The following QSOX2 variants were observed in gnomAD, a reference collection of about 807,000 sequenced individuals.
QSOX2 encodes the protein sulfhydryl oxidase 2.
In QSOX2, 46 loss-of-function variants were observed where a neutral mutation model predicts 61.7. That is an observed-to-expected ratio of 0.75 (90% confidence interval 0.59 to 0.95). QSOX2 has a LOEUF of 0.95. Among genes scored for constraint, QSOX2 ranks in the 40% least tolerant of loss-of-function variants. The pLI is 0.00. For missense variants in QSOX2, 879 were observed against 918.9 expected, an observed-to-expected ratio of 0.96 and a Z score of 0.56; for synonymous variants, 383 against 388.4, an observed-to-expected ratio of 0.99 and a Z score of 0.16.
At chr9:136,220,288 G>C (rs1324911123) in intron 6 of QSOX2, among the ~76,000 whole-genome samples, 3 of 152,234 alleles carry the variant, frequency 2.0e-5, no homozygotes, top group African/African-American at 7.2e-5. Context: ...CTCAGCCTCT[G>C]AAAGTGCTGG....
Position 136,208,585 on chromosome 9 carries a change from T to C in QSOX2, c.*143A>G. The C allele has an allele frequency of 1.0e-6, 1 of 979,918 alleles. No individual in the cohort carries two copies. The highest frequency in any genetic ancestry group is 1.4e-6 in the Non-Finnish European group (1 of 694,930). 60.7% of individuals were successfully genotyped at this position (979,918 alleles called of 1,614,324 possible). On this transcript the variant is annotated 3_prime_UTR_variant, in exon 12 of 12. Transcript: ENST00000358701. ...AGAAGAGCGTTTGTAAAACCAGGAC[T>C]TTGAAGCCAAAAGGTGCCATCCGAT...
At chr9:136,212,578 G>C (rs892361255) in intron 10 of QSOX2, among the ~76,000 whole-genome samples, 15 of 152,216 alleles carry the variant, frequency 9.9e-5, no homozygotes, top group Non-Finnish European at 2.9e-5. Context: ...GCGTGTCCAC[G>C]GGCAGCTGGG....
At chr9:136,210,865 G>C (rs1831835437) in intron 11 of QSOX2, 1 of 985,156 alleles carries the variant, frequency 1.0e-6, no homozygotes, top group Non-Finnish European at 1.2e-6. Context: ...CACTTTGAGA[G>C]GTTTGGTTTA....
Position 136,245,749 on chromosome 9 carries a change from C to T in QSOX2, c.55G>A (p.Ala19Thr), listed in dbSNP as rs1554758468. The T allele has an allele frequency of 2.6e-6, 3 of 1,151,846 alleles. No homozygotes were observed. Among genetic ancestry groups the T allele is most frequent in the East Asian group, 3.9e-5 (1 of 25,376 alleles). 71.4% of individuals were successfully genotyped at this position (1,151,846 alleles called of 1,614,324 possible). The part of the protein sequence containing the change: ...ARSPGIGAGP[A>T]LRARRSPPPR... ...GGGGGCGAGCGCCGGGCTCTCAGCG[C>T]AGGTCCCGCTCCGATTCCCGGGCTG... The change falls in exon 1 of 12, where the codon GCG becomes ACG. Residue 19 changes from alanine (A) to threonine (T), a missense_variant. Ala to Thr is a moderately conservative substitution (Grantham distance 58, BLOSUM62 0). Transcript: ENST00000358701.
intron 11 of QSOX2, chr9:136,210,821 C>G (rs1008259833): frequency 2.0e-5 from 20 of 984,668 alleles, no homozygotes; most frequent in Admixed American, 6.1e-5. Flanking sequence ...AATACATGTG[C>G]CCTATTTAAT....
intron 1 of QSOX2, among the ~76,000 whole-genome samples, chr9:136,237,860 T>A (rs1450528156): frequency 6.6e-6 from 1 of 152,250 alleles, no homozygotes; most frequent in African/African-American, 2.4e-5. Context: ...AGAGTGAACA[T>A]GCGTCAACAA....
intron 1 of QSOX2, among the ~76,000 whole-genome samples, chr9:136,245,001 G>A (rs941342844): frequency 2.6e-5 from 4 of 152,178 alleles, no homozygotes; most frequent in African/African-American, 9.7e-5. Flanking sequence ...GGGTGGCTAC[G>A]AGTGTGGAAT....
At chr9:136,241,514 T>G (rs1349701666) in intron 1 of QSOX2, among the ~76,000 whole-genome samples, 1 of 152,066 alleles carries the variant, frequency 6.6e-6, no homozygotes, top group Non-Finnish European at 1.5e-5. Context: ...TACCCTTCCT[T>G]CAAGAGATGT....
intron 1 of QSOX2, among the ~76,000 whole-genome samples, chr9:136,239,867 A>G (rs905110254): frequency 1.3e-5 from 2 of 152,236 alleles, no homozygotes; most frequent in African/African-American, 4.8e-5. Flanking sequence ...ACCGGCAAGG[A>G]CTCGGCAGAT....
Position 136,245,656 on chromosome 9 carries a change from C to G in QSOX2, c.148G>C (p.Gly50Arg). 8.1e-7 allele frequency: 1 copy of G among 1,236,646 alleles called. No homozygotes were observed. Among genetic ancestry groups the G allele is most frequent in the South Asian group, 3.3e-5 (1 of 29,890 alleles). 76.6% of individuals were successfully genotyped at this position (1,236,646 alleles called of 1,614,324 possible). ...GCGCGGTACAGCCGCGCCGCACCGC[C>G]CGCGCCCGGCCCCACCGCCGCCGCC... The part of the protein sequence containing the change: ...LAAAAVGPGA[G>R]GAARLYRAGE... Residue 50 changes from glycine to arginine, a missense_variant, in exon 1 of 12, where the codon GGC becomes CGC. Transcript: ENST00000358701.
chr9:136,220,612 C>T (rs1425254883), intron 6 of QSOX2, among the ~76,000 whole-genome samples: 1 of 49,326 alleles, frequency 2.0e-5, no homozygotes, highest in Non-Finnish European at 3.3e-5. Flanking sequence ...GCTAGCCTCA[C>T]GCTGTCCTTC....
At chr9:136,216,557 G>A (rs765427651) in intron 9 of QSOX2, 43 bp downstream of exon 9, 3 of 1,607,190 alleles carry the variant, frequency 1.9e-6, no homozygotes, top group East Asian at 4.5e-5. Context: ...GGAAGGCGAG[G>A]GAAGGAGGGT....
At chr9:136,245,404 G>A (rs1251181032) in intron 1 of QSOX2, 72 bp downstream of exon 1, 18 of 1,325,412 alleles carry the variant, frequency 1.4e-5, no homozygotes, top group African/African-American at 7.5e-5. Context: ...CGCCTTCTGG[G>A]GCGGTCGCAA....
At position 136,221,705 on chromosome 9, in the gene QSOX2, G is replaced by A. The variant is rs1211816678; in HGVS notation, c.821+91C>T. The A allele has an allele frequency of 6.5e-6, 9 of 1,387,022 alleles. No individual in the cohort carries two copies. The highest frequency in any genetic ancestry group is 5.1e-5 in the Admixed American group (2 of 39,176). 85.9% of individuals were successfully genotyped at this position (1,387,022 alleles called of 1,614,324 possible). On this transcript the variant is annotated intron_variant, in intron 6 of 11. Coordinates refer to ENST00000358701, the MANE Select transcript of QSOX2 (RefSeq NM_181701.4). The surrounding 1 kb of genome is among the most constrained non-coding windows in gnomAD (Gnocchi z 4.5). ...GAGGCGGAGGGGCCAGGGCTCCCCC[G>A]ATCTCACACCAGACTTGCACTGTCT...
At position 136,226,793 on chromosome 9, in the gene QSOX2, T is replaced by C; in HGVS notation, c.410A>G (p.His137Arg). ...NQAVCHDYDI[H>R]FYPTFRYFKA... is the part of the protein sequence containing the mutation. ...ACTCACCCGGAAGGTGGGGTAGAAG[T>C]GGATGTCGTAGTCATGGCACACGGC... Residue 137 changes from histidine to arginine, a missense_variant, in exon 2 of 12, where the codon CAC becomes CGC. By Grantham distance (29) the His-to-Arg change is conservative. Coordinates refer to ENST00000358701, the MANE Select transcript of QSOX2 (RefSeq NM_181701.4). 6.2e-7 allele frequency: 1 copy of C among 1,614,038 alleles called. No individual in the cohort carries two copies. Among genetic ancestry groups the C allele is most frequent in the Non-Finnish European group, 8.5e-7 (1 of 1,179,936 alleles).
At chr9:136,216,003 G>A (rs1363157818) in intron 9 of QSOX2, among the ~76,000 whole-genome samples, 2 of 152,224 alleles carry the variant, frequency 1.3e-5, no homozygotes, top group African/African-American at 4.8e-5. Flanking sequence ...GACAAAGCTG[G>A]CAAAATCACG....
intron 11 of QSOX2, chr9:136,210,178 C>T (rs930214567): frequency 2.9e-5 from 29 of 985,344 alleles, no homozygotes; most frequent in Middle Eastern, 5.2e-4. Context: ...CAGAAGCTGC[C>T]AGAGCTTCAT....
At chr9:136,230,333 G>A (rs1830318956) in intron 1 of QSOX2, among the ~76,000 whole-genome samples, 1 of 152,220 alleles carries the variant, frequency 6.6e-6, no homozygotes, top group Non-Finnish European at 1.5e-5. Context: ...TAGAGAGAAT[G>A]TGAAGAGTTC....
intron 1 of QSOX2, among the ~76,000 whole-genome samples, chr9:136,242,535 G>T (rs1041590255): frequency 6.6e-6 from 1 of 152,404 alleles, no homozygotes; most frequent in Middle Eastern, 3.4e-3. Flanking sequence ...ATCTGAGTCA[G>T]GTCAACAGGG....
Sources: gnomAD v4.1 joint callset for allele counts (sites outside exome capture counted in the v4.1 genomes callset) on GRCh38, gnomAD v4.1.1 for gene constraint, Gnocchi (gnomAD v3.1) non-coding constraint, MANE v1.5 for transcripts, NCBI Gene and HGNC (gene_info 2026-07-23, HGNC 2026-07-21) for gene names.